The following EPS8 variants were observed in gnomAD, a reference collection of about 807,000 sequenced individuals.
EPS8 encodes epidermal growth factor receptor kinase substrate 8.
A neutral mutation model predicts 103.8 loss-of-function variants in EPS8; 42 were observed. That is an observed-to-expected ratio of 0.40 (90% CI 0.32 to 0.52). The LOEUF (loss-of-function observed/expected upper bound fraction) is 0.52, where lower values mean the gene tolerates loss of function less well. Ranked by LOEUF, EPS8 falls within the 20% of genes least tolerant of loss-of-function variation. The pLI is 0.40. For synonymous variants in EPS8, 344 were observed against 344.6 expected, an observed-to-expected ratio of 1.00 and a Z score of 0.02; for missense variants, 969 against 1,005.1, an observed-to-expected ratio of 0.96 and a Z score of 0.49.
chr12:15,759,941 A>G lies in EPS8; in HGVS notation c.-22+29220T>C, dbSNP rs1036955994. ...AGAGCAAACCAAACCCAAAATTCAT[A>G]GAAAAAAGGAAATGATAAAGATCAG... On this transcript the variant is annotated intron_variant, in intron 1 of 20. Coordinates refer to ENST00000281172, the MANE Select transcript of EPS8 (RefSeq NM_004447.6). This position sits in a 1 kb window ranked among gnomAD's most constrained non-coding sequence, Gnocchi z 4.9. Among the ~76,000 whole-genome samples, 5 of 151,974 alleles carry G rather than the reference A, an allele frequency of 3.3e-5. No homozygotes were observed. Among genetic ancestry groups the G allele is most frequent in the African/African-American group, 1.2e-4 (5 of 41,456 alleles).
intron 4 of EPS8, 113 bp from the exon 5 acceptor site, chr12:15,669,938 G>A (rs1053229597): frequency 4.2e-6 from 3 of 712,388 alleles, no homozygotes; most frequent in Non-Finnish European, 6.4e-6. Context: ...AGCAGAGAAC[G>A]ACAAACACAA....
At chr12:15,754,231 T>TG (rs1157884287) in intron 1 of EPS8, among the ~76,000 whole-genome samples, 8 of 148,550 alleles carry the variant, frequency 5.4e-5, no homozygotes, top group African/African-American at 2.0e-4. Flanking sequence ...TTGTTCCATT[T>TG]GGAAAAAAAA....
At chr12:15,667,777 C>T (rs1050107203) in intron 6 of EPS8, among the ~76,000 whole-genome samples, 5 of 152,166 alleles carry the variant, frequency 3.3e-5, no homozygotes, top group African/African-American at 1.2e-4. Flanking sequence ...AAAAATGTCT[C>T]ATATGCAGAG....
rs563580275 is a variant in EPS8, at chr12:15,745,066, T to C, written c.-22+44095A>G. ...TTTAGTAGAGATGGGTTTCACCACG[T>C]TGGACAGGATGGTCTCGATCTCCTG... On this transcript the variant is annotated intron_variant, in intron 1 of 20. Coordinates refer to ENST00000281172, the MANE Select transcript of EPS8 (RefSeq NM_004447.6). The surrounding 1 kb of genome is among the most constrained non-coding windows in gnomAD (Gnocchi z 4.6). Among the ~76,000 whole-genome samples the C allele has an allele frequency of 6.6e-6, 1 of 152,236 alleles. No homozygotes were observed. The highest frequency in any genetic ancestry group is 1.5e-5 in the Non-Finnish European group (1 of 67,992).
intron 9 of EPS8, among the ~76,000 whole-genome samples, chr12:15,661,117 C>G (rs958814430): frequency 1.3e-5 from 2 of 152,148 alleles, no homozygotes; most frequent in Non-Finnish European, 2.9e-5. Flanking sequence ...CAATAAAGCA[C>G]TGACAATATT....
At chr12:15,635,599 G>A (rs908817469) in intron 17 of EPS8, among the ~76,000 whole-genome samples, 7 of 152,144 alleles carry the variant, frequency 4.6e-5, no homozygotes, top group African/African-American at 1.4e-4. Context: ...TAGTGTTAGC[G>A]GTTTAGTAGT....
chr12:15,672,103 A>G (rs1302352397), intron 3 of EPS8, among the ~76,000 whole-genome samples: 2 of 152,038 alleles, frequency 1.3e-5, no homozygotes, highest in East Asian at 1.9e-4. Flanking sequence ...CCAACAACCT[A>G]TTTTTTTGTA....
chr12:15,715,390 TTTTC>T (rs796842039), intron 1 of EPS8, among the ~76,000 whole-genome samples: 1 of 55,434 alleles, frequency 1.8e-5, no homozygotes, highest in African/African-American at 3.2e-5. Flanking sequence ...TTTTCTTTAC[TTTTC>T]TTTTTTTTTT....
chr12:15,724,366 T>C (rs1016846207), intron 1 of EPS8, among the ~76,000 whole-genome samples: 4 of 152,150 alleles, frequency 2.6e-5, no homozygotes, highest in Non-Finnish European at 5.9e-5. Context: ...TTGACTGTTA[T>C]GGTATAATAA....
rs1947252169 is a variant in EPS8, at chr12:15,780,662, A to G, written c.-22+8499T>C. The stretch of plus-strand genomic sequence containing the variant: ...CCATTGTTTGTTTGTTTTTTAATAT[A>G]TACTTCCTTCAGCTCCACACTGTAC... On this transcript the variant is annotated intron_variant, in intron 1 of 20. Coordinates refer to ENST00000281172, the MANE Select transcript of EPS8 (RefSeq NM_004447.6). The surrounding 1 kb of genome is among the most constrained non-coding windows in gnomAD (Gnocchi z 4.1). 6.6e-6 allele frequency: 1 copy of G among 152,056 alleles called. No individual in the cohort carries two copies. Among genetic ancestry groups the G allele is most frequent in the Admixed American group, 6.6e-5 (1 of 15,254 alleles). 9.4% of individuals were successfully genotyped at this position (152,056 alleles called of 1,614,324 possible).
rs1946242267 is a variant in EPS8, at chr12:15,696,313, A to G, written c.-21-13341T>C. Among the ~76,000 whole-genome samples the G allele has an allele frequency of 6.6e-6, 1 of 152,176 alleles. No individual in the cohort carries two copies. Among genetic ancestry groups the G allele is most frequent in the African/African-American group, 2.4e-5 (1 of 41,448 alleles). ...ACACAAAAATAAAACAGTAAAATCT[A>G]TAAAACACTAACTTTAGAGACTTTC... On this transcript the variant is annotated intron_variant, in intron 1 of 20. Coordinates refer to ENST00000281172, the MANE Select transcript of EPS8 (RefSeq NM_004447.6). This position sits in a 1 kb window ranked among gnomAD's most constrained non-coding sequence, Gnocchi z 4.8.
At position 15,780,060 on chromosome 12, in the gene EPS8, A is replaced by G. The variant is rs1947244168; in HGVS notation, c.-22+9101T>C. ...TAATCACTTGAGTATCACAGGACTG[A>G]AAAAGAACACATGAATTTGTTTGCT... is the stretch of plus-strand genomic sequence containing the variant. On this transcript the variant is annotated intron_variant, in intron 1 of 20. Coordinates refer to ENST00000281172, the MANE Select transcript of EPS8 (RefSeq NM_004447.6). The surrounding 1 kb of genome is among the most constrained non-coding windows in gnomAD (Gnocchi z 4.1). 1.3e-5 allele frequency: 2 copies of G among 152,212 alleles called. No homozygotes were observed. Among genetic ancestry groups the G allele is most frequent in the Non-Finnish European group, 2.9e-5 (2 of 68,040 alleles). 9.4% of individuals were successfully genotyped at this position (152,212 alleles called of 1,614,324 possible).
rs929542264 is a variant in EPS8, at chr12:15,789,040, G to A, written c.-22+121C>T. 4 of 152,232 alleles carry A rather than the reference G, an allele frequency of 2.6e-5. No individual in the cohort carries two copies. Among genetic ancestry groups the A allele is most frequent in the Admixed American group, 2.6e-4 (4 of 15,288 alleles). The allele number at this position is 152,232 out of a possible 1,614,324, so 9.4% of individuals were successfully genotyped here. On this transcript the variant is annotated intron_variant, in intron 1 of 20. Coordinates refer to ENST00000281172, the MANE Select transcript of EPS8 (RefSeq NM_004447.6). The surrounding 1 kb of genome is among the most constrained non-coding windows in gnomAD (Gnocchi z 6.1). Reference sequence around the variant, plus strand: ...ACCAGTTGAAAGCAGTCAAAGTGAAGGGAGGCGGACGCGGCTCCTGGCACC... The same window carrying A: ...ACCAGTTGAAAGCAGTCAAAGTGAAAGGAGGCGGACGCGGCTCCTGGCACC...
rs1947303007 is a variant in EPS8 at position 15,785,551 on chromosome 12, C to G, written c.-22+3610G>C. ...AGTTAAACATGGATACAAACTGTTA[C>G]ATAAAAATATGTACAGATATGTTCA... On this transcript the variant is annotated intron_variant, in intron 1 of 20. Transcript: ENST00000281172. The surrounding 1 kb of genome is among the most constrained non-coding windows in gnomAD (Gnocchi z 4.9). 6.6e-6 allele frequency among the ~76,000 whole-genome samples: 1 copy of G among 152,050 alleles called. No individual in the cohort carries two copies. The highest frequency in any genetic ancestry group is 1.5e-5 in the Non-Finnish European group (1 of 67,936).
intron 15 of EPS8, among the ~76,000 whole-genome samples, chr12:15,644,014 G>C (rs1298900270): frequency 6.6e-6 from 1 of 152,174 alleles, no homozygotes; most frequent in South Asian, 2.1e-4. Flanking sequence ...ACTTCGTATG[G>C]CATTGTTAAG....
At chr12:15,763,539 G>GAAGCA (rs1260225340) in intron 1 of EPS8, among the ~76,000 whole-genome samples, 1 of 152,130 alleles carries the variant, frequency 6.6e-6, no homozygotes, top group Non-Finnish European at 1.5e-5. Flanking sequence ...CAGTGACTGT[G>GAAGCA]CCAGCTTCAC....
intron 8 of EPS8, 48 bp downstream of exon 8, chr12:15,665,708 C>A (rs988710084): frequency 2.5e-6 from 4 of 1,604,254 alleles, no homozygotes; most frequent in Non-Finnish European, 3.4e-6. Context: ...GAACTATGTC[C>A]CAACCCAAAG....
In EPS8 at chr12:15,745,558, C is replaced by CA. The variant is rs5796646; in HGVS notation, c.-22+43602dup. On this transcript the variant is annotated intron_variant, in intron 1 of 20. Transcript: ENST00000281172. This position sits in a 1 kb window ranked among gnomAD's most constrained non-coding sequence, Gnocchi z 4.6. The stretch of plus-strand genomic sequence containing the variant: ...CTCCAAAAATCTATGACTATGTATC[C>CA]AAAAAAAAAAAAAAATTCTTTAAAC... Among the ~76,000 whole-genome samples, 136,549 of 145,348 alleles carry CA rather than the reference C, an allele frequency of 0.94. 64,311 individuals carry two copies. Among genetic ancestry groups the CA allele is most frequent in the South Asian group, 0.99 (4,507 of 4,574 alleles).
rs1945775224 is a variant in EPS8, at chr12:15,669,540, T to C, written c.367-4A>G. On this transcript the variant is annotated splice_region_variant and splice_polypyrimidine_tract_variant and intron_variant, in intron 5 of 20. Coordinates refer to ENST00000281172, the MANE Select transcript of EPS8 (RefSeq NM_004447.6). ...AAGGAAAATTCTCCAGTTCATTCTA[T>C]AAATAAAGTGAACATTTTATTTTGT... 1 of 1,589,480 alleles carries C rather than the reference T, an allele frequency of 6.3e-7. No individual in the cohort carries two copies. Among genetic ancestry groups the C allele is most frequent in the Non-Finnish European group, 8.6e-7 (1 of 1,167,248 alleles).
Sources: gnomAD v4.1 joint callset for allele counts (sites outside exome capture counted in the v4.1 genomes callset) on GRCh38, gnomAD v4.1.1 for gene constraint, Gnocchi (gnomAD v3.1) non-coding constraint, MANE v1.5 for transcripts, NCBI Gene and HGNC (gene_info 2026-07-23, HGNC 2026-07-21) for gene names.